ITFG1: variants seen among roughly 807,000 people sequenced by gnomAD.
ITFG1 encodes integrin alpha FG-GAP repeat containing 1.
A neutral mutation model predicts 81.8 loss-of-function variants in ITFG1; 34 were observed. The ratio of observed to expected loss-of-function variants is 0.42; its 90% CI spans 0.32 to 0.55. The LOEUF is 0.55. ITFG1 is among the 20% of genes least tolerant of loss of function. The pLI is 0.17. For synonymous variants in ITFG1, 285 were observed against 270.6 expected, an observed-to-expected ratio of 1.05 and a Z score of -0.52; for missense variants, 672 against 755.4, an observed-to-expected ratio of 0.89 and a Z score of 1.29.
intron 13 of ITFG1, 55 bp from the exon 14 acceptor site, chr16:47,219,001 G>C (rs1965659677): frequency 1.5e-6 from 2 of 1,292,126 alleles, no homozygotes; most frequent in Non-Finnish European, 2.1e-6. Flanking sequence ...ATTATTGGAA[G>C]TTTCAGGCAA....
At chr16:47,273,508 A>T (rs1184216520) in intron 10 of ITFG1, among the ~76,000 whole-genome samples, 2 of 152,226 alleles carry the variant, frequency 1.3e-5, no homozygotes, top group African/African-American at 4.8e-5. Context: ...AGTCAAAGGC[A>T]ATTAATTGAT....
At chr16:47,186,389 A>G (rs1003695393) in intron 14 of ITFG1, among the ~76,000 whole-genome samples, 4 of 152,116 alleles carry the variant, frequency 2.6e-5, no homozygotes, top group South Asian at 2.1e-4. Context: ...GAATCCAGCA[A>G]CACATCAAAA....
intron 13 of ITFG1, among the ~76,000 whole-genome samples, chr16:47,230,365 C>A (rs946058379): frequency 2.6e-5 from 4 of 152,032 alleles, no homozygotes; most frequent in Non-Finnish European, 5.9e-5. Flanking sequence ...AGCTCAAAGG[C>A]TAGACGATAA....
chr16:47,311,089 G>C, intron 10 of ITFG1, 151 bp downstream of exon 10: 1 of 486,462 alleles, frequency 2.1e-6, no homozygotes, highest in Non-Finnish European at 3.5e-6. Flanking sequence ...GAAGTGCAGG[G>C]ACCAAATTTA....
intron 14 of ITFG1, among the ~76,000 whole-genome samples, chr16:47,205,683 G>A (rs1254651818): frequency 6.6e-6 from 1 of 152,122 alleles, no homozygotes; most frequent in Non-Finnish European, 1.5e-5. Flanking sequence ...AGCAACCAGT[G>A]AGAACTCCAT....
At chr16:47,216,352 C>T (rs1965624843) in intron 14 of ITFG1, among the ~76,000 whole-genome samples, 1 of 152,146 alleles carries the variant, frequency 6.6e-6, no homozygotes. Flanking sequence ...TGCCACCACA[C>T]CTGGCTAATT....
chr16:47,158,060 G>A (rs1964742716), intron 17 of ITFG1, among the ~76,000 whole-genome samples: 1 of 152,228 alleles, frequency 6.6e-6, no homozygotes, highest in East Asian at 1.9e-4. Flanking sequence ...TCAGTTTAAT[G>A]CAAAGAATAC....
intron 14 of ITFG1, among the ~76,000 whole-genome samples, chr16:47,201,820 G>C (rs962799359): frequency 5.3e-5 from 8 of 152,090 alleles, no homozygotes; most frequent in Non-Finnish European, 1.0e-4. Flanking sequence ...TAGCAAAAGG[G>C]CTGACCTTGT....
intron 14 of ITFG1, among the ~76,000 whole-genome samples, chr16:47,172,844 C>CT (rs1174602395): frequency 3.3e-5 from 5 of 152,150 alleles, no homozygotes; most frequent in African/African-American, 1.2e-4. Context: ...ATTGCTTTAA[C>CT]TGTTGTTCCT....
intron 13 of ITFG1, among the ~76,000 whole-genome samples, chr16:47,222,759 T>A (rs1236399803): frequency 6.6e-6 from 1 of 152,204 alleles, no homozygotes; most frequent in Non-Finnish European, 1.5e-5. Flanking sequence ...TGCACTGTGG[T>A]CTGAGAGATA....
At chr16:47,297,962 C>T (rs1009694891) in intron 10 of ITFG1, among the ~76,000 whole-genome samples, 2 of 152,048 alleles carry the variant, frequency 1.3e-5, no homozygotes, top group East Asian at 3.8e-4. Context: ...TTTGGAAATA[C>T]CAAGGATTCA....
chr16:47,440,425 C>T (rs1255284638), intron 5 of ITFG1, among the ~76,000 whole-genome samples: 1 of 152,212 alleles, frequency 6.6e-6, no homozygotes, highest in Non-Finnish European at 1.5e-5. Context: ...AAATTGACCA[C>T]ATACGTGGAA....
intron 8 of ITFG1, among the ~76,000 whole-genome samples, chr16:47,347,623 G>A (rs776349206): frequency 2.6e-5 from 4 of 152,212 alleles, no homozygotes; most frequent in Non-Finnish European, 5.9e-5. Context: ...TGGGGGCAGG[G>A]CATAGCCGAA....
rs571698335 is a variant in ITFG1 at position 47,372,163 on chromosome 16, G to A, written c.720+3713C>T. Reference sequence around the variant, plus strand: ...TTGCCATTCTTCACTCTTCCTCCACGACACTTACCTACTTTCTTCCTTGAG... The same window carrying A: ...TTGCCATTCTTCACTCTTCCTCCACAACACTTACCTACTTTCTTCCTTGAG... On this transcript the variant is annotated intron_variant, in intron 7 of 17. Transcript: ENST00000320640. 9.9e-5 allele frequency among the ~76,000 whole-genome samples: 15 copies of A among 152,120 alleles called. 1 individual carries two copies. Among genetic ancestry groups the A allele is most frequent in the African/African-American group, 2.9e-4 (12 of 41,534 alleles).
chr16:47,349,484 G>C (rs552864078), intron 8 of ITFG1, among the ~76,000 whole-genome samples: 50 of 152,248 alleles, frequency 3.3e-4, no homozygotes, highest in Non-Finnish European at 7.1e-4. Context: ...TAATGGTAAA[G>C]GGATCACTTC....
chr16:47,389,269 T>A (rs1968501480), intron 6 of ITFG1, among the ~76,000 whole-genome samples: 1 of 152,206 alleles, frequency 6.6e-6, no homozygotes, highest in Non-Finnish European at 1.5e-5. Flanking sequence ...AAAGGAATTA[T>A]GTAGTTAAAA....
intron 14 of ITFG1, among the ~76,000 whole-genome samples, chr16:47,186,598 A>G (rs1354661111): frequency 6.6e-6 from 1 of 152,238 alleles, no homozygotes; most frequent in Admixed American, 6.5e-5. Flanking sequence ...TTAGGTATTG[A>G]TGGGACATAT....
chr16:47,350,632 G>C (rs1379901388), intron 8 of ITFG1, among the ~76,000 whole-genome samples: 1 of 152,124 alleles, frequency 6.6e-6, no homozygotes, highest in Non-Finnish European at 1.5e-5. Context: ...TTCTACCTGA[G>C]GTACAAGGAG....
At chr16:47,325,534 A>G (rs1221199914) in intron 8 of ITFG1, among the ~76,000 whole-genome samples, 2 of 152,234 alleles carry the variant, frequency 1.3e-5, no homozygotes, top group African/African-American at 4.8e-5. Flanking sequence ...TGAAGCCAGG[A>G]GCTGGTTTTT....
Sources: gnomAD v4.1 joint callset for allele counts (sites outside exome capture counted in the v4.1 genomes callset) on GRCh38, gnomAD v4.1.1 for gene constraint, MANE v1.5 for transcripts, NCBI Gene and HGNC (gene_info 2026-07-23, HGNC 2026-07-21) for gene names.